ACTMAP: variants seen among roughly 807,000 people sequenced by gnomAD.
The protein encoded by ACTMAP is UPF0692 protein C19orf54.
chr19:40,742,603 G>A, the ACTMAP span: 3 of 1,611,128 alleles, frequency 1.9e-6, no homozygotes, highest in Admixed American at 1.7e-5. Context: ...AGCTGATAGT[G>A]CCAACTCTTG....
the ACTMAP span, among the ~76,000 whole-genome samples, chr19:40,746,878 C>G: frequency 6.6e-6 from 1 of 152,116 alleles, no homozygotes; most frequent in South Asian, 2.1e-4. Context: ...GCGATCTTGG[C>G]TCACTGCCAC....
the ACTMAP span, among the ~76,000 whole-genome samples, chr19:40,743,104 A>C: frequency 1.3e-5 from 2 of 152,070 alleles, no homozygotes; most frequent in African/African-American, 2.4e-5. Flanking sequence ...AGCCATGAAG[A>C]AGCTGAGCGG....
At chr19:40,742,709 C>G in the ACTMAP span, 4 of 1,612,504 alleles carry the variant, frequency 2.5e-6, no homozygotes, top group Non-Finnish European at 3.4e-6. Flanking sequence ...GGAACAGGCC[C>G]GGCAGCTCAG....
At chr19:40,749,610 G>C in the ACTMAP span, 5 of 1,550,556 alleles carry the variant, frequency 3.2e-6, no homozygotes, top group African/African-American at 6.9e-5. Context: ...AGCAGGCCCT[G>C]TGGCAGCGGG....
the ACTMAP span, chr19:40,742,437 T>C: frequency 6.9e-7 from 1 of 1,457,932 alleles, no homozygotes; most frequent in East Asian, 2.5e-5. Flanking sequence ...CCGCAGCTAA[T>C]GGCTGCAGTC....
the ACTMAP span, among the ~76,000 whole-genome samples, chr19:40,748,440 T>A: frequency 6.6e-6 from 1 of 151,824 alleles, no homozygotes; most frequent in African/African-American, 2.4e-5. Context: ...CGCTTCTCCC[T>A]CTTTTCTTCA....
At chr19:40,749,853 G>C in the ACTMAP span, 21,886 of 937,902 alleles carry the variant, frequency 0.023, no homozygotes, top group Non-Finnish European at 0.03. Flanking sequence ...GGGAGGGAAG[G>C]ATCCTCCAAC....
At chr19:40,749,999 G>C in the ACTMAP span, 1 of 471,084 alleles carries the variant, frequency 2.1e-6, no homozygotes, top group Non-Finnish European at 3.7e-6. Context: ...GCTGACTCAA[G>C]TCATAAGGCA....
chr19:40,743,419 G>A, the ACTMAP span, among the ~76,000 whole-genome samples: 1 of 152,062 alleles, frequency 6.6e-6, no homozygotes, highest in East Asian at 1.9e-4. Flanking sequence ...TTTTAGTAGA[G>A]ACAGGGTATC....
chr19:40,749,413 C>A, the ACTMAP span: 9 of 1,429,912 alleles, frequency 6.3e-6, no homozygotes, highest in Admixed American at 2.2e-4. Flanking sequence ...AACCCCCCCC[C>A]CACCCCAAGA....
chr19:40,744,581 C>T, the ACTMAP span: 16 of 1,613,588 alleles, frequency 9.9e-6, no homozygotes, highest in African/African-American at 5.3e-5. Context: ...CTCCCTGGGC[C>T]GTGTAGCCTC....
chr19:40,749,269 G>A, the ACTMAP span, among the ~76,000 whole-genome samples: 1 of 152,162 alleles, frequency 6.6e-6, no homozygotes, highest in African/African-American at 2.4e-5. Flanking sequence ...GGGATTACAT[G>A]CATGAGCCAA....
chr19:40,744,211 C>CA, the ACTMAP span: 1 of 1,548,974 alleles, frequency 6.5e-7, no homozygotes, highest in East Asian at 2.4e-5. Flanking sequence ...AGGGTGAGAG[C>CA]ACACAGAGGG....
the ACTMAP span, among the ~76,000 whole-genome samples, chr19:40,750,103 G>C: frequency 4.1e-3 from 631 of 152,252 alleles, 1 homozygote; most frequent in Non-Finnish European, 7.1e-3. Context: ...GAGTTAGTAG[G>C]AGTTAACTCA....
the ACTMAP span, chr19:40,750,285 CTT>C: frequency 3.9e-5 from 6 of 152,530 alleles, no homozygotes; most frequent in South Asian, 1.2e-3. Flanking sequence ...TTGAGCTGAC[CTT>C]TGAGTCAGAG....
chr19:40,747,708 T>C, the ACTMAP span, among the ~76,000 whole-genome samples: 7 of 151,758 alleles, frequency 4.6e-5, no homozygotes, highest in Admixed American at 1.3e-4. Context: ...AATATATATG[T>C]ACAAAAAACT....
chr19:40,742,383 C>T, the ACTMAP span: 1 of 1,431,806 alleles, frequency 7.0e-7, no homozygotes, highest in Non-Finnish European at 9.2e-7. Context: ...AGTGTAGGCA[C>T]ACTTCAAATG....
At chr19:40,743,537 C>G in the ACTMAP span, among the ~76,000 whole-genome samples, 2 of 152,078 alleles carry the variant, frequency 1.3e-5, no homozygotes, top group African/African-American at 4.8e-5. Flanking sequence ...CTGGCCAAGC[C>G]TTGTTCTAAG....
the ACTMAP span, among the ~76,000 whole-genome samples, chr19:40,748,365 G>A: frequency 6.6e-6 from 1 of 151,790 alleles, no homozygotes; most frequent in Admixed American, 6.6e-5. Flanking sequence ...GATGAAAGAG[G>A]GAAACTCCAT....
Sources: allele counts gnomAD v4.1 joint callset (sites outside exome capture counted in the v4.1 genomes callset), GRCh38; gene constraint gnomAD v4.1.1; transcripts MANE v1.5; gene names NCBI Gene and HGNC (gene_info 2026-07-23, HGNC 2026-07-21).